Variants in MEGF11 observed in about 807,000 individuals in gnomAD.
MEGF11 encodes the protein multiple EGF like domains 11.
Under a neutral mutation model 146.6 loss-of-function variants are expected in MEGF11, and 126 were observed. The observed-to-expected ratio is 0.86, with a 90% CI of 0.74 to 1.00. The LOEUF (loss-of-function observed/expected upper bound fraction) is 1.00. MEGF11 is among the 50% of genes least tolerant of loss of function. The probability of loss-of-function intolerance (pLI) is 0.00; values close to 1 mark genes in which losing one functional copy is unlikely to be tolerated. For missense variants in MEGF11, 1,509 were observed against 1,521.2 expected (o/e 0.99, Z 0.13); for synonymous variants, 532 against 583.4 (o/e 0.91, Z 1.27).
chr15:65,916,244 C>T lies in MEGF11; in HGVS notation c.2248G>A (p.Gly750Arg), dbSNP rs945596540. The T allele has an allele frequency of 6.4e-7, 1 of 1,559,134 alleles. No individual in the cohort carries two copies. Among genetic ancestry groups the T allele is most frequent in the African/African-American group, 1.4e-5 (1 of 73,548 alleles). ...CPAAFFGKDC[G>R]RVCQCQNGAS... is the part of the protein sequence containing the mutation. Reference sequence around the variant, plus strand: ...CCATTCTGACACTGGCATACGCGCCCACAGTCCTTCCCAAAAAATGCTGCT... The same window carrying T: ...CCATTCTGACACTGGCATACGCGCCTACAGTCCTTCCCAAAAAATGCTGCT... Residue 750 changes from glycine (G) to arginine (R), a missense_variant, in exon 18 of 26, where the codon GGG (glycine) becomes AGG (arginine). Coordinates refer to ENST00000395614, the MANE Select transcript of MEGF11 (RefSeq NM_001385028.1).
chr15:65,980,694 G>C, intron 7 of MEGF11, 84 bp downstream of exon 7: 12 of 1,446,142 alleles, frequency 8.3e-6, no homozygotes, highest in Non-Finnish European at 1.1e-5. Flanking sequence ...TACCATGCCC[G>C]GCTAGTTTAG....
chr15:66,085,411 T>A (rs1243687470), intron 5 of MEGF11, among the ~76,000 whole-genome samples: 2 of 151,550 alleles, frequency 1.3e-5, no homozygotes, highest in Non-Finnish European at 3.0e-5. Flanking sequence ...CTAAGGACCC[T>A]CATGGAGTCC....
At chr15:66,163,979 C>T (rs1435790340) in intron 1 of MEGF11, among the ~76,000 whole-genome samples, 1 of 152,194 alleles carries the variant, frequency 6.6e-6, no homozygotes, top group African/African-American at 2.4e-5. Context: ...CTGAACTCAC[C>T]TCTCACCCAA....
chr15:66,062,678 A>G (rs1398072256), intron 5 of MEGF11, among the ~76,000 whole-genome samples: 1 of 152,222 alleles, frequency 6.6e-6, no homozygotes, highest in Non-Finnish European at 1.5e-5. Flanking sequence ...GAGATAATAA[A>G]TGTGGGTATT....
At chr15:66,176,063 A>ATGTTTATATATAAAATTAGTG (rs1360556875) in intron 1 of MEGF11, among the ~76,000 whole-genome samples, 1 of 152,232 alleles carries the variant, frequency 6.6e-6, no homozygotes, top group African/African-American at 2.4e-5. Context: ...CATATATAAA[A>ATGTTTATATATAAAATTAGTG]ATGTTCAACA....
intron 1 of MEGF11, among the ~76,000 whole-genome samples, chr15:66,160,803 G>A (rs912822624): frequency 1.3e-5 from 2 of 152,114 alleles, no homozygotes; most frequent in African/African-American, 4.8e-5. Context: ...TATCTGTTAT[G>A]TGGTGATAAG....
At chr15:66,089,502 C>T (rs901178312) in intron 5 of MEGF11, among the ~76,000 whole-genome samples, 2 of 152,192 alleles carry the variant, frequency 1.3e-5, no homozygotes, top group Non-Finnish European at 2.9e-5. Context: ...ACCAAAATGC[C>T]ATTCTGTAGC....
At chr15:66,141,239 T>A (rs1219171068) in intron 1 of MEGF11, among the ~76,000 whole-genome samples, 1 of 22,768 alleles carries the variant, frequency 4.4e-5, no homozygotes. Context: ...CAGGGGTGTG[T>A]GTGTGTGTGT....
intron 23 of MEGF11, among the ~76,000 whole-genome samples, chr15:65,908,454 T>C (rs558844609): frequency 5.3e-5 from 8 of 152,240 alleles, no homozygotes; most frequent in African/African-American, 1.9e-4. Flanking sequence ...CCAAGTCTCT[T>C]GTGTGTGTGT....
intron 1 of MEGF11, among the ~76,000 whole-genome samples, chr15:66,130,736 GGA>G (rs1567257156): frequency 6.6e-6 from 1 of 151,730 alleles, no homozygotes. Flanking sequence ...GAGGGAGGAA[GGA>G]AGGAAGGAAG....
intron 1 of MEGF11, among the ~76,000 whole-genome samples, chr15:66,253,343 C>A (rs1007950617): frequency 6.6e-6 from 1 of 152,210 alleles, no homozygotes; most frequent in Non-Finnish European, 1.5e-5. Context: ...CGGAGGGCTG[C>A]GGCTGCCCAC....
At chr15:65,945,244 G>T (rs1354399069) in intron 10 of MEGF11, among the ~76,000 whole-genome samples, 1 of 152,188 alleles carries the variant, frequency 6.6e-6, no homozygotes, top group African/African-American at 2.4e-5. Context: ...GGCCCTAGAG[G>T]TTTCTCAGTC....
chr15:65,970,547 C>A lies in MEGF11; in HGVS notation c.899+6G>T, dbSNP rs750728989. ...CAGCAAAGATAACAGTTAACACTAT[C>A]CTTACCTGTCCCCCATGTATCCAGC... is the stretch of plus-strand genomic sequence containing the variant. On this transcript the variant is annotated splice_donor_region_variant and intron_variant, in intron 8 of 25. Coordinates refer to ENST00000395614, the MANE Select transcript of MEGF11 (RefSeq NM_001385028.1). The A allele has an allele frequency of 3.7e-6, 6 of 1,613,468 alleles. No homozygotes were observed. In the East Asian group the frequency reaches 1.3e-4, roughly 36 times the overall value.
chr15:65,921,543 C>T (rs1390688017), intron 15 of MEGF11: 2 of 152,294 alleles, frequency 1.3e-5, no homozygotes, highest in East Asian at 3.8e-4. Flanking sequence ...ATGGAGCCTT[C>T]ACCCAAATCC....
chr15:65,895,427 G>T lies in MEGF11; in HGVS notation c.*2507C>A, dbSNP rs2078342454. On this transcript the variant is annotated 3_prime_UTR_variant, in exon 26 of 26. Coordinates refer to ENST00000395614, the MANE Select transcript of MEGF11 (RefSeq NM_001385028.1). ...CTCATTAATACCTCTGTACAATAAT[G>T]GTTTTTCTTTCATTCATTTTAATTG... The T allele has an allele frequency of 1.3e-5, 2 of 152,442 alleles. No individual in the cohort carries two copies. Among genetic ancestry groups the T allele is most frequent in the Admixed American group, 1.3e-4 (2 of 15,264 alleles). 9.4% of individuals were successfully genotyped at this position (152,442 alleles called of 1,614,324 possible).
At chr15:65,963,265 G>A (rs563714433) in intron 9 of MEGF11, among the ~76,000 whole-genome samples, 1 of 152,316 alleles carries the variant, frequency 6.6e-6, no homozygotes, top group South Asian at 2.1e-4. Flanking sequence ...TGAGATTTCT[G>A]TAATTAGCGC....
intron 1 of MEGF11, among the ~76,000 whole-genome samples, chr15:66,156,527 C>A (rs936413112): frequency 6.6e-5 from 10 of 152,202 alleles, no homozygotes; most frequent in Admixed American, 5.9e-4. Flanking sequence ...GCTCGGCCAC[C>A]ACTCCCTGTG....
At chr15:66,183,410 G>A (rs943681838) in intron 1 of MEGF11, among the ~76,000 whole-genome samples, 5 of 151,930 alleles carry the variant, frequency 3.3e-5, no homozygotes, top group Non-Finnish European at 7.4e-5. Flanking sequence ...TGAGGCAAAA[G>A]AATCGCTTGA....
Position 65,957,569 on chromosome 15 carries a change from C to T in MEGF11, c.1265G>A (p.Cys422Tyr). ...TACCATGAAGCCCGGAGCACAAGTG[C>T]AGCCCCCAGTGATGCTGTGGCAGTC... ...GADCHSITGGCTCAPGFMGEV... is the reference protein window; with the variant it reads ...GADCHSITGGYTCAPGFMGEV... Residue 422 changes from cysteine (C) to tyrosine (Y), a missense_variant, in exon 10 of 26, where the codon TGC (cysteine) becomes TAC (tyrosine). By Grantham distance (194) the Cys-to-Tyr change is radical. Transcript: ENST00000395614. 5 of 1,613,636 alleles carry T rather than the reference C, an allele frequency of 3.1e-6. No individual in the cohort carries two copies. Among genetic ancestry groups the T allele is most frequent in the Non-Finnish European group, 4.2e-6 (5 of 1,179,786 alleles).
Sources: gnomAD v4.1 joint callset for allele counts (sites outside exome capture counted in the v4.1 genomes callset) on GRCh38, gnomAD v4.1.1 for gene constraint, MANE v1.5 for transcripts, NCBI Gene and HGNC (gene_info 2026-07-23, HGNC 2026-07-21) for gene names.